Variants in SLCO1B3 observed in about 807,000 individuals in gnomAD.
The protein encoded by SLCO1B3 is liver-specific organic anion transporter 2.
Under a neutral mutation model 71.8 loss-of-function variants are expected in SLCO1B3, and 72 were observed. The ratio of observed to expected loss-of-function variants is 1.00; its 90% confidence interval spans 0.83 to 1.22. The LOEUF (loss-of-function observed/expected upper bound fraction) is 1.22, where lower values mean the gene tolerates loss of function less well. Among genes scored for constraint, SLCO1B3 ranks in the 50% most tolerant of loss-of-function variants. The pLI is 0.00. For missense variants in SLCO1B3, 911 were observed against 819.7 expected, an observed-to-expected ratio of 1.11 and a Z score of -1.36; for synonymous variants, 298 against 278.4, an observed-to-expected ratio of 1.07 and a Z score of -0.70.
chr12:20,828,891 A>G (rs1449187495), intron 3 of SLCO1B3, among the ~76,000 whole-genome samples: 1 of 152,214 alleles, frequency 6.6e-6, no homozygotes, highest in Non-Finnish European at 1.5e-5. Context: ...AGCATGGGGT[A>G]ACTACCATTG....
At chr12:20,865,854 C>A (rs1238626059) in intron 8 of SLCO1B3, among the ~76,000 whole-genome samples, 3 of 152,154 alleles carry the variant, frequency 2.0e-5, no homozygotes, top group African/African-American at 7.2e-5. Flanking sequence ...TTCCCAGTCA[C>A]AGTATTAAAT....
intron 9 of SLCO1B3, among the ~76,000 whole-genome samples, chr12:20,875,790 G>A (rs1302548436): frequency 6.6e-6 from 1 of 151,898 alleles, no homozygotes; most frequent in African/African-American, 2.4e-5. Flanking sequence ...AGGGTTTAAA[G>A]GATTATAATT....
intron 3 of SLCO1B3, among the ~76,000 whole-genome samples, chr12:20,823,437 G>C (rs901189240): frequency 6.6e-6 from 1 of 152,016 alleles, no homozygotes; most frequent in Non-Finnish European, 1.5e-5. Context: ...TAAACCTTAG[G>C]CAAGACTAGA....
At chr12:20,906,140 G>C (rs1866241150) in intron 15 of SLCO1B3, among the ~76,000 whole-genome samples, 1 of 152,042 alleles carries the variant, frequency 6.6e-6, no homozygotes. Flanking sequence ...TTTGGGCAGG[G>C]ACAGAAATCC....
chr12:20,873,782 C>T (rs532216592), intron 8 of SLCO1B3, among the ~76,000 whole-genome samples: 14 of 152,176 alleles, frequency 9.2e-5, no homozygotes, highest in African/African-American at 3.4e-4. Flanking sequence ...CATGACAGGC[C>T]CCAGTGTGTA....
chr12:20,813,042 C>T (rs1864134375), intron 1 of SLCO1B3, among the ~76,000 whole-genome samples: 1 of 152,104 alleles, frequency 6.6e-6, no homozygotes, highest in Admixed American at 6.6e-5. Flanking sequence ...ACCTACAAAA[C>T]ACATACAAAA....
intron 2 of SLCO1B3, among the ~76,000 whole-genome samples, chr12:20,813,936 T>G (rs1864147692): frequency 6.6e-6 from 1 of 152,312 alleles, no homozygotes; most frequent in East Asian, 1.9e-4. Context: ...ATCATACATA[T>G]TATATAATCA....
intron 13 of SLCO1B3, among the ~76,000 whole-genome samples, chr12:20,889,782 T>G (rs1865867165): frequency 6.6e-6 from 1 of 152,140 alleles, no homozygotes; most frequent in African/African-American, 2.4e-5. Context: ...TGACATTAGA[T>G]TGTTAATTTT....
intron 15 of SLCO1B3, among the ~76,000 whole-genome samples, chr12:20,912,887 GTCTTGTGTCAAAT>G (rs1866414244): frequency 7.4e-6 from 1 of 135,878 alleles, no homozygotes; most frequent in Non-Finnish European, 1.6e-5. Flanking sequence ...ATGTTGATCA[GTCTTGTGTCAAAT>G]TCTTGACCTC....
In SLCO1B3 at chr12:20,857,399, T is replaced by C. The variant is rs565072688; in HGVS notation, c.227-1040T>C. Among the ~76,000 whole-genome samples, 19 of 152,156 alleles carry C rather than the reference T, an allele frequency of 1.2e-4. 1 individual carries two copies. The South Asian group carries it at 3.9e-3, about 32-fold the overall frequency. The stretch of plus-strand genomic sequence containing the variant: ...TGAAACATGTATGAGATAAATAATA[T>C]ATTTTCTGAATATTTTTCCTTTAAA... On this transcript the variant is annotated intron_variant, in intron 4 of 15. Transcript: ENST00000381545.
At position 20,835,300 on chromosome 12, in the gene SLCO1B3, C is replaced by T. The variant is rs57039019; in HGVS notation, c.84+19478C>T. Among the ~76,000 whole-genome samples the T allele has an allele frequency of 6.3e-3, 958 of 152,292 alleles. 13 individuals carry two copies. Among genetic ancestry groups the T allele is most frequent in the African/African-American group, 0.022 (921 of 41,578 alleles). ...TCTGATGTGCCCTGGAGTCATTTTC[C>T]GCATTGTCTTGGCAATTAACATTTG... is the stretch of plus-strand genomic sequence containing the variant. On this transcript the variant is annotated intron_variant, in intron 3 of 15. Transcript: ENST00000381545.
intron 13 of SLCO1B3, among the ~76,000 whole-genome samples, chr12:20,886,084 T>C (rs1865787522): frequency 6.6e-6 from 1 of 152,132 alleles, no homozygotes; most frequent in African/African-American, 2.4e-5. Context: ...TATGATTTGC[T>C]GGTTGATTGA....
chr12:20,916,243 A>G lies in SLCO1B3; in HGVS notation c.2105A>G (p.Asn702Ser), dbSNP rs368439565. Residue 702 changes from asparagine to serine, a missense_variant, in exon 16 of 16, where the codon AAC (asparagine) becomes AGC (serine). By Grantham distance (46) the Asn-to-Ser change is conservative. Transcript: ENST00000381545. ...NLDMQDNAAA[N>S] is the part of the protein sequence containing the mutation. ...GACATGCAAGACAATGCTGCTGCCA[A>G]CTAACATTGCATTGATTCATTAAGA... The G allele has an allele frequency of 3.7e-5, 60 of 1,612,012 alleles. No individual in the cohort carries two copies. The highest frequency in any genetic ancestry group is 1.7e-4 in the Middle Eastern group (1 of 6,028).
intron 10 of SLCO1B3, among the ~76,000 whole-genome samples, chr12:20,879,205 CTTTTT>C (rs4149166): frequency 1.1e-5 from 1 of 95,206 alleles, no homozygotes; most frequent in Non-Finnish European, 2.0e-5. Context: ...ACCCTTCTCT[CTTTTT>C]TTTTTTTTTT....
intron 3 of SLCO1B3, among the ~76,000 whole-genome samples, chr12:20,829,309 G>A (rs1203212106): frequency 6.6e-6 from 1 of 152,152 alleles, no homozygotes; most frequent in Non-Finnish European, 1.5e-5. Flanking sequence ...CTAGGAATGG[G>A]GCCCAGGCTG....
chr12:20,826,437 T>TA (rs35514638), intron 3 of SLCO1B3, among the ~76,000 whole-genome samples: 22,964 of 152,116 alleles, frequency 0.15, 1,944 homozygotes, highest in African/African-American at 0.23. Context: ...ATCAATACCT[T>TA]AAGAAAATGT....
chr12:20,880,773 C>A lies in SLCO1B3; in HGVS notation c.1332-82C>A, dbSNP rs535548472. On this transcript the variant is annotated intron_variant, in intron 11 of 15. Coordinates refer to ENST00000381545, the MANE Select transcript of SLCO1B3 (RefSeq NM_019844.4). Reference sequence around the variant, plus strand: ...TTCCTCCTCCTCTATTTCCCCTCTCCTTATCCCCTTGTCTCCCTCTTCTGC... The same window carrying A: ...TTCCTCCTCCTCTATTTCCCCTCTCATTATCCCCTTGTCTCCCTCTTCTGC... The A allele has an allele frequency of 2.9e-5, 26 of 896,248 alleles. No individual in the cohort carries two copies. In the East Asian group the frequency reaches 6.3e-4, roughly 22 times the overall value. The allele number at this position is 896,248 out of a possible 1,614,324, so 55.5% of individuals were successfully genotyped here.
chr12:20,839,543 T>G (rs1482107253), intron 3 of SLCO1B3, among the ~76,000 whole-genome samples: 2 of 152,118 alleles, frequency 1.3e-5, no homozygotes, highest in African/African-American at 2.4e-5. Flanking sequence ...CCTATATAGG[T>G]AAGGATAGGT....
chr12:20,909,544 G>C (rs1866331527), intron 15 of SLCO1B3, among the ~76,000 whole-genome samples: 1 of 151,658 alleles, frequency 6.6e-6, no homozygotes, highest in Non-Finnish European at 1.5e-5. Context: ...TAAAGTCTTT[G>C]GCCTACTTTT....
Sources: gnomAD v4.1 joint callset for allele counts (sites outside exome capture counted in the v4.1 genomes callset) on GRCh38, gnomAD v4.1.1 for gene constraint, MANE v1.5 for transcripts, NCBI Gene and HGNC (gene_info 2026-07-23, HGNC 2026-07-21) for gene names.